Variants in FCHSD1 observed in about 807,000 individuals in gnomAD.
FCHSD1 encodes the protein FCH and double SH3 domains 1.
In FCHSD1, 109 loss-of-function variants were observed where a neutral mutation model predicts 101.3. The ratio of observed to expected loss-of-function variants is 1.08; its 90% confidence interval spans 0.92 to 1.26. The LOEUF is 1.26. Among genes scored for constraint, FCHSD1 ranks in the 50% most tolerant of loss-of-function variants. The pLI, the probability that FCHSD1 is intolerant of heterozygous loss-of-function variation, is 0.00. For missense variants in FCHSD1, 820 were observed against 895.8 expected (o/e 0.92, Z 1.08); for synonymous variants, 291 against 356.8 (o/e 0.82, Z 2.08).
Position 141,647,185 on chromosome 5 carries a change from C to T in FCHSD1, c.874G>A (p.Val292Ile), listed in dbSNP as rs750331202. ...TGCTGAGGTGGGGTGGGGGAAAATACACCAGGCTCCTGAAGAAACAGCTTC... is the reference window on the plus strand; with the variant it reads ...TGCTGAGGTGGGGTGGGGGAAAATATACCAGGCTCCTGAAGAAACAGCTTC... ...DLKLFLQEPG[V>I]FSPTPPQQFQ... is the part of the protein sequence containing the mutation. Residue 292 changes from valine to isoleucine, a missense_variant, in exon 10 of 20, where the codon GTA becomes ATA. Physicochemically the swap from Val to Ile is conservative, Grantham distance 29 (BLOSUM62 3). Coordinates refer to ENST00000435817, the MANE Select transcript of FCHSD1 (RefSeq NM_033449.3). 1.1e-5 allele frequency: 18 copies of T among 1,609,802 alleles called. No homozygotes were observed. The highest frequency in any genetic ancestry group is 1.6e-4 in the Middle Eastern group (1 of 6,078).
In FCHSD1 at chr5:141,641,524, G is replaced by T; in HGVS notation, c.2047C>A (p.Pro683Thr). ...PPPPPAKAPD[P>T]GHPDPLT ...CAGGTGAGGGGATCTGGGTGGCCAG[G>T]ATCCGGGGCTTTAGCCGGCGGGGGA... Residue 683 changes from proline to threonine, a missense_variant, in exon 20 of 20, where the codon CCT becomes ACT. Transcript: ENST00000435817. The T allele has an allele frequency of 6.6e-7, 1 of 1,512,290 alleles. No homozygotes were observed. The highest frequency in any genetic ancestry group is 2.3e-5 in the East Asian group (1 of 43,594). The allele number at this position is 1,512,290 out of a possible 1,614,324, so 93.7% of individuals were successfully genotyped here.
rs2099906862 is a variant in FCHSD1, at chr5:141,641,232, G to A, written c.*266C>T. The A allele has an allele frequency of 2.5e-6, 1 of 394,980 alleles. No individual in the cohort carries two copies. The highest frequency in any genetic ancestry group is 4.1e-5 in the Admixed American group (1 of 24,540). The allele number at this position is 394,980 out of a possible 1,614,324, so 24.5% of individuals were successfully genotyped here. A position where few individuals can be genotyped will look rare whatever the true frequency, so the allele number is the denominator to read the frequency against. On this transcript the variant is annotated 3_prime_UTR_variant, in exon 20 of 20. Coordinates refer to ENST00000435817, the MANE Select transcript of FCHSD1 (RefSeq NM_033449.3). ...CCTTGATGGATGGTTTCCAGCCCCA[G>A]AGATTTCAGGCATTTCACCACCCTA... is the stretch of plus-strand genomic sequence containing the variant.
intron 17 of FCHSD1, among the ~76,000 whole-genome samples, chr5:141,643,719 G>A (rs772456465): frequency 2.0e-5 from 3 of 152,060 alleles, no homozygotes; most frequent in East Asian, 1.9e-4. Flanking sequence ...GTGGCAGCAC[G>A]TGCCTGTAAT....
At chr5:141,650,074 C>T in intron 3 of FCHSD1, 120 bp from the exon 4 acceptor site, 2 of 1,057,558 alleles carry the variant, frequency 1.9e-6, no homozygotes, top group Non-Finnish European at 2.7e-6. Context: ...ACTTGCTTTG[C>T]TAAATGCCTT....
intron 2 of FCHSD1, 119 bp from the exon 3 acceptor site, chr5:141,650,523 G>T (rs1335881244): frequency 3.6e-6 from 4 of 1,110,524 alleles, no homozygotes; most frequent in Non-Finnish European, 5.4e-6. Flanking sequence ...CAGGTTCCTA[G>T]AGTGTAACTA....
At chr5:141,650,952 T>G in intron 2 of FCHSD1, 68 bp downstream of exon 2, 27 of 1,385,188 alleles carry the variant, frequency 1.9e-5, no homozygotes, top group Non-Finnish European at 2.3e-5. Flanking sequence ...CCCCAGCACA[T>G]GTATATTGGG....
Position 141,639,365 on chromosome 5 carries a change from G to A in FCHSD1, c.*2133C>T, listed in dbSNP as rs867854274. 7.2e-6 allele frequency: 7 copies of A among 970,496 alleles called. No homozygotes were observed. Among genetic ancestry groups the A allele is most frequent in the Middle Eastern group, 4.4e-4 (2 of 4,542 alleles). The allele number at this position is 970,496 out of a possible 1,614,324, so 60.1% of individuals were successfully genotyped here. A position where few individuals can be genotyped will look rare whatever the true frequency, so the allele number is the denominator to read the frequency against. ...AAAAATGGGGCTTGGGGAAATTGGG[G>A]CTTCTGGGGTTTTAAGGAGCATGCT... On this transcript the variant is annotated 3_prime_UTR_variant, in exon 20 of 20. Transcript: ENST00000435817. The surrounding 1 kb of genome is among the most constrained non-coding windows in gnomAD (Gnocchi z 4.4).
intron 1 of FCHSD1, 103 bp from the exon 2 acceptor site, chr5:141,651,220 TC>T (rs2099908366): frequency 1.3e-6 from 2 of 1,511,234 alleles, no homozygotes; most frequent in East Asian, 4.9e-5. Flanking sequence ...CTGAGCTCTT[TC>T]CTCTGTTACT....
chr5:141,640,803 G>A lies in FCHSD1; in HGVS notation c.*695C>T. The A allele has an allele frequency of 2.3e-6, 2 of 858,706 alleles. No homozygotes were observed. The highest frequency in any genetic ancestry group is 1.8e-6 in the Non-Finnish European group (1 of 568,966). The allele number at this position is 858,706 out of a possible 1,614,324, so 53.2% of individuals were successfully genotyped here. The stretch of plus-strand genomic sequence containing the variant: ...CTCTACTTCCACCTGGAGTTGCACA[G>A]TCTCAGGCTGGGGGCCTCAGGAGAG... On this transcript the variant is annotated 3_prime_UTR_variant, in exon 20 of 20. Coordinates refer to ENST00000435817, the MANE Select transcript of FCHSD1 (RefSeq NM_033449.3).
chr5:141,640,235 A>G lies in FCHSD1; in HGVS notation c.*1263T>C. The G allele has an allele frequency of 1.1e-5, 17 of 1,614,162 alleles. No individual in the cohort carries two copies. Among genetic ancestry groups the G allele is most frequent in the Non-Finnish European group, 1.4e-5 (17 of 1,179,996 alleles). On this transcript the variant is annotated 3_prime_UTR_variant, in exon 20 of 20. Coordinates refer to ENST00000435817, the MANE Select transcript of FCHSD1 (RefSeq NM_033449.3). ...GGGCCGGAGGGAGGGGCCCAAGCCC[A>G]GGGCTGCCCACTCAAGAGGCAAATG...
At position 141,647,897 on chromosome 5, in the gene FCHSD1, G is replaced by T. The variant is rs535762962; in HGVS notation, c.705+71C>A. 4 of 1,566,160 alleles carry T rather than the reference G, an allele frequency of 2.6e-6. No individual in the cohort carries two copies. The South Asian group carries it at 3.5e-5, about 14-fold the overall frequency. ...CCCCTGCACCACCCACTGTCATGGG[G>T]ATCAAGAAGCAGGGGGAGGTCCTCC... is the stretch of plus-strand genomic sequence containing the variant. On this transcript the variant is annotated intron_variant, in intron 8 of 19. Transcript: ENST00000435817.
chr5:141,649,874 C>T lies in FCHSD1; in HGVS notation c.233+13G>A. 1 of 1,546,290 alleles carries T rather than the reference C, an allele frequency of 6.5e-7. No individual in the cohort carries two copies. The highest frequency in any genetic ancestry group is 1.2e-5 in the South Asian group (1 of 83,004). On this transcript the variant is annotated intron_variant, in intron 4 of 19. Coordinates refer to ENST00000435817, the MANE Select transcript of FCHSD1 (RefSeq NM_033449.3). The surrounding 1 kb of genome is among the most constrained non-coding windows in gnomAD (Gnocchi z 4.1). ...TTTTGGCCTCTGTGGCCCTCCCCCT[C>T]CATAGGGCCCACCTGCTGTCCATCT...
intron 17 of FCHSD1, among the ~76,000 whole-genome samples, chr5:141,643,880 G>A (rs1481586143): frequency 4.6e-5 from 7 of 151,504 alleles, no homozygotes; most frequent in South Asian, 2.1e-4. Flanking sequence ...GCTTTACCTC[G>A]ATTATCTCTA....
In FCHSD1 at chr5:141,640,809, G is replaced by A; in HGVS notation, c.*689C>T. 2.5e-6 allele frequency: 2 copies of A among 812,968 alleles called. No individual in the cohort carries two copies. Among genetic ancestry groups the A allele is most frequent in the Non-Finnish European group, 3.8e-6 (2 of 528,238 alleles). 50.4% of individuals were successfully genotyped at this position (812,968 alleles called of 1,614,324 possible). On this transcript the variant is annotated 3_prime_UTR_variant, in exon 20 of 20. Coordinates refer to ENST00000435817, the MANE Select transcript of FCHSD1 (RefSeq NM_033449.3). ...TTCCACCTGGAGTTGCACAGTCTCA[G>A]GCTGGGGGCCTCAGGAGAGGTCACA...
At chr5:141,648,672 T>C (rs1430002190) in intron 7 of FCHSD1, among the ~76,000 whole-genome samples, 3 of 152,210 alleles carry the variant, frequency 2.0e-5, no homozygotes, top group African/African-American at 7.2e-5. Context: ...AGGAACTCCA[T>C]TGGTAGTGTT....
rs202171404 is a variant in FCHSD1 at position 141,644,294 on chromosome 5, A to G, written c.1787T>C (p.Val596Ala). The change falls in exon 17 of 20, where the codon GTT becomes GCT. Residue 596 changes from valine (V) to alanine (A), a missense_variant. Coordinates refer to ENST00000435817, the MANE Select transcript of FCHSD1 (RefSeq NM_033449.3). ...GFWRGEFGGR[V>A]GVFPSLLVEE... The stretch of plus-strand genomic sequence containing the variant: ...CACCAGCAGGGAGGGGAAGACCCCA[A>G]CACGGCCCCCAAATTCTCCCCTCCA... The G allele has an allele frequency of 6.4e-5, 104 of 1,613,784 alleles. No individual in the cohort carries two copies. In the East Asian group the frequency reaches 2.3e-3, roughly 35 times the overall value.
chr5:141,644,890 A>G lies in FCHSD1; in HGVS notation c.1493T>C (p.Ile498Thr), dbSNP rs751435282. The change falls in exon 15 of 20, where the codon ATA becomes ACA. Residue 498 changes from isoleucine (I) to threonine (T), a missense_variant. Ile to Thr is a moderately conservative substitution (Grantham distance 89). Coordinates refer to ENST00000435817, the MANE Select transcript of FCHSD1 (RefSeq NM_033449.3). The part of the protein sequence containing the change: ...TITEGEWLEV[I>T]EEGDADEWVK... ...CCATTCGTCAGCATCTCCCTCCTCT[A>G]TGACCTCCAGCCACTCACCCTCCGT... 3 of 1,613,640 alleles carry G rather than the reference A, an allele frequency of 1.9e-6. No homozygotes were observed. The highest frequency in any genetic ancestry group is 8.5e-7 in the Non-Finnish European group (1 of 1,179,808).
chr5:141,640,813 G>GT lies in FCHSD1; in HGVS notation c.*684_*685insA. 1.3e-6 allele frequency: 1 copy of GT among 778,958 alleles called. No individual in the cohort carries two copies. Among genetic ancestry groups the GT allele is most frequent in the Non-Finnish European group, 2.0e-6 (1 of 498,676 alleles). 48.3% of individuals were successfully genotyped at this position (778,958 alleles called of 1,614,324 possible). ...ACCTGGAGTTGCACAGTCTCAGGCT[G>GT]GGGGCCTCAGGAGAGGTCACAGCCC... On this transcript the variant is annotated 3_prime_UTR_variant, in exon 20 of 20. Transcript: ENST00000435817.
At chr5:141,642,083 G>A (rs1336892366) in intron 18 of FCHSD1, 11 of 516,836 alleles carry the variant, frequency 2.1e-5, no homozygotes, top group Non-Finnish European at 3.1e-5. Context: ...GGGTGGTGGA[G>A]ATGGTGGTAA....
Sources: allele counts gnomAD v4.1 joint callset (sites outside exome capture counted in the v4.1 genomes callset), GRCh38; gene constraint gnomAD v4.1.1; non-coding constraint Gnocchi (gnomAD v3.1); transcripts MANE v1.5; gene names NCBI Gene and HGNC (gene_info 2026-07-23, HGNC 2026-07-21).